ELMO1: variants seen among roughly 807,000 people sequenced by gnomAD.
The protein encoded by ELMO1 is engulfment and cell motility protein 1.
A neutral mutation model predicts 98.9 loss-of-function variants in ELMO1; 26 were observed. That is an observed-to-expected ratio of 0.26 (90% CI 0.19 to 0.36). The LOEUF is 0.36. Among genes scored for constraint, ELMO1 ranks in the 10% least tolerant of loss-of-function variants. The pLI is 1.00. For synonymous variants in ELMO1, 346 were observed against 346.0 expected (o/e 1.00, Z 0.00); for missense variants, 627 against 935.2 (o/e 0.67, Z 4.30).
intron 16 of ELMO1, among the ~76,000 whole-genome samples, chr7:36,929,774 G>A (rs184420741): frequency 1.3e-5 from 2 of 152,254 alleles, no homozygotes; most frequent in East Asian, 3.9e-4. Context: ...CAAATCTATT[G>A]TACTGGCTTT....
intron 16 of ELMO1, among the ~76,000 whole-genome samples, chr7:36,974,451 G>C (rs1790317193): frequency 6.6e-6 from 1 of 152,210 alleles, no homozygotes; most frequent in South Asian, 2.1e-4. Flanking sequence ...CTCAGGGTTT[G>C]TGAATGCACC....
intron 4 of ELMO1, among the ~76,000 whole-genome samples, chr7:37,298,040 T>A (rs1239965278): frequency 2.6e-5 from 4 of 152,182 alleles, no homozygotes; most frequent in African/African-American, 7.2e-5. Flanking sequence ...TCAATATGCC[T>A]AATCTGTGTA....
At chr7:36,905,064 G>T (rs1011809471) in intron 16 of ELMO1, among the ~76,000 whole-genome samples, 1 of 152,224 alleles carries the variant, frequency 6.6e-6, no homozygotes, top group African/African-American at 2.4e-5. Context: ...TGTCAAGCAA[G>T]TCAGTTCCAA....
chr7:37,376,455 T>C (rs545067557), intron 1 of ELMO1, among the ~76,000 whole-genome samples: 7 of 152,310 alleles, frequency 4.6e-5, no homozygotes, highest in African/African-American at 1.7e-4. Context: ...TTTTCATAGA[T>C]AACATCACGA....
At chr7:37,098,997 T>C (rs1584640712) in intron 14 of ELMO1, among the ~76,000 whole-genome samples, 1 of 152,374 alleles carries the variant, frequency 6.6e-6, no homozygotes, top group South Asian at 2.1e-4. Context: ...GAGGCTGTGA[T>C]CTGCATACAC....
Position 36,870,614 on chromosome 7 carries a change from G to A in ELMO1, c.1823-139C>T, listed in dbSNP as rs1803425751. ...ACTGCAAAAAGAAGAGTGTTGAAAA[G>A]AGGAAGAGAAGCCAGGTAGTGTCCC... is the stretch of plus-strand genomic sequence containing the variant. On this transcript the variant is annotated intron_variant, in intron 19 of 21. Coordinates refer to ENST00000310758, the MANE Select transcript of ELMO1 (RefSeq NM_014800.11). The surrounding 1 kb of genome is among the most constrained non-coding windows in gnomAD (Gnocchi z 4.4). The A allele has an allele frequency of 1.3e-6, 1 of 788,064 alleles. No individual in the cohort carries two copies. Among genetic ancestry groups the A allele is most frequent in the Non-Finnish European group, 2.0e-6 (1 of 511,458 alleles). 48.8% of individuals were successfully genotyped at this position (788,064 alleles called of 1,614,324 possible). A position where few individuals can be genotyped will look rare whatever the true frequency, so the allele number is the denominator to read the frequency against.
intron 4 of ELMO1, among the ~76,000 whole-genome samples, chr7:37,314,332 A>T (rs544141588): frequency 2.0e-5 from 3 of 152,278 alleles, no homozygotes; most frequent in African/African-American, 7.2e-5. Context: ...TCCCAGGGCC[A>T]TTGCTGTCTT....
At chr7:37,032,497 G>A (rs1409690475) in intron 15 of ELMO1, among the ~76,000 whole-genome samples, 3 of 152,204 alleles carry the variant, frequency 2.0e-5, no homozygotes, top group Admixed American at 1.3e-4. Context: ...ACTTCGCAAT[G>A]TCCCTCTGCA....
chr7:36,940,476 G>T (rs1786935382), intron 16 of ELMO1, among the ~76,000 whole-genome samples: 1 of 152,206 alleles, frequency 6.6e-6, no homozygotes, highest in African/African-American at 2.4e-5. Context: ...GTAATTTAGT[G>T]ATTTAAAGCA....
At chr7:37,061,204 G>C (rs546383248) in intron 15 of ELMO1, among the ~76,000 whole-genome samples, 1 of 152,086 alleles carries the variant, frequency 6.6e-6, no homozygotes, top group Non-Finnish European at 1.5e-5. Flanking sequence ...GTTTTCCTTC[G>C]TGTTGAAGAT....
chr7:37,222,778 A>C, intron 9 of ELMO1, 85 bp from the exon 10 acceptor site: 1 of 1,213,980 alleles, frequency 8.2e-7, no homozygotes, highest in Non-Finnish European at 1.2e-6. Flanking sequence ...AAGGCTCAAA[A>C]TCAGCCCCCT....
intron 15 of ELMO1, among the ~76,000 whole-genome samples, chr7:37,086,103 C>A (rs561577487): frequency 9.2e-5 from 14 of 152,168 alleles, no homozygotes; most frequent in Non-Finnish European, 1.8e-4. Flanking sequence ...CTCTGGACAC[C>A]ACTTCCAGAT....
At chr7:37,033,226 C>T (rs1041723129) in intron 15 of ELMO1, 6 of 349,146 alleles carry the variant, frequency 1.7e-5, no homozygotes, top group Non-Finnish European at 2.3e-5. Context: ...CCCAAATAAA[C>T]GGAGCAGGAG....
At chr7:36,924,397 T>C (rs1383406166) in intron 16 of ELMO1, among the ~76,000 whole-genome samples, 2 of 152,120 alleles carry the variant, frequency 1.3e-5, no homozygotes, top group Admixed American at 1.3e-4. Flanking sequence ...TGGCAGAGCA[T>C]ATCACCTTGC....
rs760125239 is a variant in ELMO1, at chr7:36,998,475, G to A, written c.1437+14824C>T. On this transcript the variant is annotated intron_variant, in intron 16 of 21. Transcript: ENST00000310758. ...ATAATAGTTATTTTATTTCTTCCAC[G>A]TATATTCAATGTGCCATTTGTACAT... is the stretch of plus-strand genomic sequence containing the variant. 8.6e-5 allele frequency among the ~76,000 whole-genome samples: 13 copies of A among 151,832 alleles called. No homozygotes were observed. In the South Asian group the frequency reaches 1.5e-3, roughly 17 times the overall value.
At chr7:36,925,932 T>C (rs962179684) in intron 16 of ELMO1, among the ~76,000 whole-genome samples, 1 of 152,250 alleles carries the variant, frequency 6.6e-6, no homozygotes, top group East Asian at 1.9e-4. Flanking sequence ...TCTTTTTCAG[T>C]GCAGACCCAG....
chr7:37,225,770 AAT>A (rs959337409), intron 8 of ELMO1, among the ~76,000 whole-genome samples: 2 of 152,346 alleles, frequency 1.3e-5, no homozygotes, highest in Admixed American at 1.3e-4. Flanking sequence ...CGGAAAATAA[AAT>A]AGAGGTTAGA....
intron 1 of ELMO1, among the ~76,000 whole-genome samples, chr7:37,407,910 G>A (rs1426174763): frequency 6.6e-6 from 1 of 151,968 alleles, no homozygotes; most frequent in East Asian, 1.9e-4. Context: ...GAGAGGATAT[G>A]GAAACTGTAC....
At chr7:37,148,274 T>C (rs1206999009) in intron 13 of ELMO1, among the ~76,000 whole-genome samples, 1 of 152,168 alleles carries the variant, frequency 6.6e-6, no homozygotes, top group Non-Finnish European at 1.5e-5. Flanking sequence ...TTATTAAAAG[T>C]CTTAACAATA....
Sources: gnomAD v4.1 joint callset for allele counts (sites outside exome capture counted in the v4.1 genomes callset) on GRCh38, gnomAD v4.1.1 for gene constraint, Gnocchi (gnomAD v3.1) non-coding constraint, MANE v1.5 for transcripts, NCBI Gene and HGNC (gene_info 2026-07-23, HGNC 2026-07-21) for gene names.